Variants in CCDC85A observed in about 807,000 individuals in gnomAD.
CCDC85A encodes the protein coiled-coil domain containing 85A.
In CCDC85A, 38 loss-of-function variants were observed where a neutral mutation model predicts 50.2. The observed-to-expected ratio is 0.76, with a 90% CI of 0.58 to 0.99. CCDC85A has a LOEUF of 0.99. Among genes scored for constraint, CCDC85A ranks in the 50% least tolerant of loss-of-function variants. CCDC85A has a pLI of 0.00. For missense variants in CCDC85A, 820 were observed against 742.0 expected (o/e 1.11, Z -1.22); for synonymous variants, 366 against 301.4 (o/e 1.21, Z -2.22).
At chr2:56,343,372 T>G (rs2104324719) in intron 3 of CCDC85A, among the ~76,000 whole-genome samples, 1 of 152,350 alleles carries the variant, frequency 6.6e-6, no homozygotes, top group Middle Eastern at 3.4e-3. Context: ...GGTTTCGCAT[T>G]ATAATTAAAT....
At chr2:56,251,875 A>AT (rs1260787998) in intron 2 of CCDC85A, among the ~76,000 whole-genome samples, 5 of 150,844 alleles carry the variant, frequency 3.3e-5, no homozygotes, top group African/African-American at 1.2e-4. Flanking sequence ...AAGGTGGCTG[A>AT]TTTCTTTTTT....
chr2:56,252,504 AAGG>A (rs1192148635), intron 2 of CCDC85A, among the ~76,000 whole-genome samples: 1 of 152,122 alleles, frequency 6.6e-6, no homozygotes, highest in East Asian at 1.9e-4. Context: ...TAGTACGTAA[AAGG>A]AGAATTGCAC....
chr2:56,305,088 G>C (rs1672381374), intron 2 of CCDC85A, among the ~76,000 whole-genome samples: 1 of 146,284 alleles, frequency 6.8e-6, no homozygotes, highest in Non-Finnish European at 1.5e-5. Flanking sequence ...GGGCGACAGA[G>C]CAAGACTCTG....
intron 3 of CCDC85A, among the ~76,000 whole-genome samples, chr2:56,364,253 T>C (rs1006756865): frequency 7.9e-5 from 12 of 152,232 alleles, no homozygotes; most frequent in Middle Eastern, 3.2e-3. Context: ...TTAATTCTTT[T>C]CTTCCTGGGG....
intron 1 of CCDC85A, among the ~76,000 whole-genome samples, chr2:56,188,420 A>G (rs1676144346): frequency 6.6e-6 from 1 of 152,210 alleles, no homozygotes; most frequent in Non-Finnish European, 1.5e-5. Flanking sequence ...CTCCTTTTGG[A>G]AAAGGCATTA....
intron 3 of CCDC85A, among the ~76,000 whole-genome samples, chr2:56,359,725 T>A (rs1675428948): frequency 6.6e-6 from 1 of 152,206 alleles, no homozygotes; most frequent in East Asian, 1.9e-4. Flanking sequence ...AGGAGAAACT[T>A]GCAGAAAAAA....
chr2:56,371,488 C>T lies in CCDC85A; in HGVS notation c.1318-856C>T, dbSNP rs145659607. Among the ~76,000 whole-genome samples the T allele has an allele frequency of 5.1e-3, 781 of 151,944 alleles. 9 individuals carry two copies. Among genetic ancestry groups the T allele is most frequent in the African/African-American group, 0.018 (732 of 41,466 alleles). On this transcript the variant is annotated intron_variant, in intron 3 of 5. Coordinates refer to ENST00000407595, the MANE Select transcript of CCDC85A (RefSeq NM_001080433.2). The stretch of plus-strand genomic sequence containing the variant: ...ACACTAGAATTTTGGGACCATTTTG[C>T]GTATTTTCCATAATTAAAATTATTA...
intron 2 of CCDC85A, among the ~76,000 whole-genome samples, chr2:56,254,756 C>T (rs1484919589): frequency 6.6e-6 from 1 of 152,098 alleles, no homozygotes; most frequent in Non-Finnish European, 1.5e-5. Flanking sequence ...TGGATCTAGC[C>T]AGGGACATCA....
At chr2:56,232,748 T>G (rs1253217743) in intron 2 of CCDC85A, among the ~76,000 whole-genome samples, 1 of 152,136 alleles carries the variant, frequency 6.6e-6, no homozygotes, top group East Asian at 1.9e-4. Flanking sequence ...CCACTCCACA[T>G]CCAGGTCATT....
chr2:56,233,983 A>G (rs1030827831), intron 2 of CCDC85A, among the ~76,000 whole-genome samples: 36 of 152,312 alleles, frequency 2.4e-4, no homozygotes, highest in African/African-American at 8.7e-4. Context: ...TTGTTTCTCA[A>G]GCATAATTTT....
intron 3 of CCDC85A, among the ~76,000 whole-genome samples, chr2:56,346,753 G>A (rs1240220517): frequency 1.3e-5 from 2 of 152,196 alleles, no homozygotes; most frequent in East Asian, 3.8e-4. Flanking sequence ...TGGACTTTAG[G>A]ATATTCTTCC....
chr2:56,334,668 G>A (rs909996267), intron 2 of CCDC85A, among the ~76,000 whole-genome samples: 1 of 152,180 alleles, frequency 6.6e-6, no homozygotes, highest in Non-Finnish European at 1.5e-5. Flanking sequence ...CCAACAACAA[G>A]AGCACATTAT....
chr2:56,255,502 GGA>G (rs1437365418), intron 2 of CCDC85A, among the ~76,000 whole-genome samples: 5 of 152,202 alleles, frequency 3.3e-5, no homozygotes, highest in African/African-American at 1.2e-4. Flanking sequence ...GCTGGCACCA[GGA>G]GAAAAAAGAG....
chr2:56,368,795 TTATA>T (rs113513670), intron 3 of CCDC85A, among the ~76,000 whole-genome samples: 17,710 of 151,808 alleles, frequency 0.12, 1,053 homozygotes, highest in African/African-American at 0.14. Flanking sequence ...TTGGAAATAT[TTATA>T]TAGTACATAT....
At chr2:56,225,420 C>A (rs10180643) in intron 2 of CCDC85A, among the ~76,000 whole-genome samples, 35 of 151,688 alleles carry the variant, frequency 2.3e-4, no homozygotes, top group South Asian at 6.3e-4. Flanking sequence ...AAGGAGAGTG[C>A]GTCTCAAAAA....
At chr2:56,267,011 T>G (rs2104044841) in intron 2 of CCDC85A, among the ~76,000 whole-genome samples, 1 of 152,292 alleles carries the variant, frequency 6.6e-6, no homozygotes, top group Admixed American at 6.5e-5. Context: ...GTCCATGTGC[T>G]TAGGCAAATG....
intron 2 of CCDC85A, among the ~76,000 whole-genome samples, chr2:56,324,560 T>C (rs1486295333): frequency 6.6e-6 from 1 of 152,126 alleles, no homozygotes; most frequent in Non-Finnish European, 1.5e-5. Context: ...TTATTATTAT[T>C]TTTAATTAGA....
At chr2:56,364,465 C>A (rs1434153127) in intron 3 of CCDC85A, among the ~76,000 whole-genome samples, 1 of 152,156 alleles carries the variant, frequency 6.6e-6, no homozygotes, top group Non-Finnish European at 1.5e-5. Context: ...ATACAGTGAG[C>A]ACTGCATGAA....
intron 2 of CCDC85A, among the ~76,000 whole-genome samples, chr2:56,216,564 CT>C (rs955660313): frequency 9.9e-5 from 15 of 151,760 alleles, no homozygotes; most frequent in South Asian, 6.2e-4. Context: ...TGTTTGTTGT[CT>C]TTTTTTCCTT....
Sources: gnomAD v4.1 joint callset for allele counts (sites outside exome capture counted in the v4.1 genomes callset) on GRCh38, gnomAD v4.1.1 for gene constraint, MANE v1.5 for transcripts, NCBI Gene and HGNC (gene_info 2026-07-23, HGNC 2026-07-21) for gene names.